NPC2: variants seen among roughly 807,000 people sequenced by gnomAD.
NPC2 encodes Niemann-Pick disease type C2 protein.
A neutral mutation model predicts 17.0 loss-of-function variants in NPC2; 14 were observed. That is an observed-to-expected ratio of 0.82 (90% CI 0.54 to 1.29). The LOEUF is 1.29. Among genes scored for constraint, NPC2 ranks in the 50% most tolerant of loss-of-function variants. The pLI is 0.00. For synonymous variants in NPC2, 75 were observed against 69.3 expected, an observed-to-expected ratio of 1.08 and a Z score of -0.41; for missense variants, 167 against 183.4, an observed-to-expected ratio of 0.91 and a Z score of 0.52.
chr14:74,483,575 G>A (rs911860562), intron 3 of NPC2: 10 of 1,326,212 alleles, frequency 7.5e-6, no homozygotes, highest in African/African-American at 1.5e-5. Flanking sequence ...ATTGGAAAGT[G>A]CCAGCATTCC....
In NPC2 at chr14:74,493,128, A is replaced by C; in HGVS notation, c.82+65T>G. 1 of 1,549,382 alleles carries C rather than the reference A, an allele frequency of 6.5e-7. No individual in the cohort carries two copies. Among genetic ancestry groups the C allele is most frequent in the South Asian group, 1.2e-5 (1 of 84,548 alleles). ...CGCCCAGCCCAGCCCCAGGGGTCTC[A>C]GCGCGGGGGTCCGGCGGGGCCTTCC... On this transcript the variant is annotated intron_variant, in intron 1 of 4. Transcript: ENST00000555619. This position sits in a 1 kb window ranked among gnomAD's most constrained non-coding sequence, Gnocchi z 4.1.
chr14:74,486,207 A>G, intron 2 of NPC2, 122 bp downstream of exon 2: 2 of 961,680 alleles, frequency 2.1e-6, no homozygotes, highest in Non-Finnish European at 3.3e-6. Context: ...CATGAGGTGC[A>G]AAAGAAATCA....
rs536369663 is a variant in NPC2 at position 74,487,629 on chromosome 14, G to T, written c.83-1193C>A. Among the ~76,000 whole-genome samples the T allele has an allele frequency of 4.6e-5, 7 of 152,312 alleles. No homozygotes were observed. The East Asian group carries it at 1.4e-3, about 29-fold the overall frequency. On this transcript the variant is annotated intron_variant, in intron 1 of 4. Transcript: ENST00000555619. ...ATGTAGAGCCTGAAACTCCGCGGAG[G>T]AAGATCAGAAATGAATTACAACATC... is the stretch of plus-strand genomic sequence containing the variant.
chr14:74,488,948 T>C (rs2086741790), intron 1 of NPC2, among the ~76,000 whole-genome samples: 1 of 152,202 alleles, frequency 6.6e-6, no homozygotes, highest in African/African-American at 2.4e-5. Flanking sequence ...TCTTCAATGA[T>C]TTAGTCCTGT....
At chr14:74,481,729 G>A (rs1231587519) in intron 3 of NPC2, among the ~76,000 whole-genome samples, 6 of 152,140 alleles carry the variant, frequency 3.9e-5, no homozygotes, top group Admixed American at 3.3e-4. Flanking sequence ...TTCAGTTAAC[G>A]CCCTTAAACT....
At chr14:74,485,095 G>T (rs1263790367) in intron 2 of NPC2, among the ~76,000 whole-genome samples, 1 of 151,896 alleles carries the variant, frequency 6.6e-6, no homozygotes, top group Non-Finnish European at 1.5e-5. Context: ...AGGAGTTTGA[G>T]ACCAGCCTGG....
At chr14:74,488,843 C>T (rs1483675257) in intron 1 of NPC2, among the ~76,000 whole-genome samples, 1 of 152,198 alleles carries the variant, frequency 6.6e-6, no homozygotes, top group Non-Finnish European at 1.5e-5. Context: ...AGAAAAACCA[C>T]CTACCATCTC....
In NPC2 at chr14:74,486,391, G is replaced by A; in HGVS notation, c.128C>T (p.Pro43Leu). The A allele has an allele frequency of 6.2e-7, 1 of 1,605,676 alleles. No homozygotes were observed. The highest frequency in any genetic ancestry group is 8.5e-7 in the Non-Finnish European group (1 of 1,176,046). The change falls in exon 2 of 5, where the codon CCC becomes CTC. Residue 43 changes from proline to leucine, a missense_variant. Pro to Leu is a moderately conservative substitution (Grantham distance 98). Transcript: ENST00000555619. ...TTTGCTCAGCTGGCAGGGTTGGGTG[G>A]GGCATGGGCTCACATTCACTTCCTT... ...VIKEVNVSPCPTQPCQLSKGQ... is the reference protein window; with the variant it reads ...VIKEVNVSPCLTQPCQLSKGQ...
intron 2 of NPC2, among the ~76,000 whole-genome samples, chr14:74,485,294 C>CAAAAAAAAAAAAAAAAAAAA (rs61395005): frequency 2.1e-4 from 15 of 71,332 alleles, no homozygotes; most frequent in African/African-American, 9.3e-4. Flanking sequence ...GACTCTGTCA[C>CAAAAAAAAAAAAAAAAAAAA]AAAAAAAAAA....
chr14:74,482,991 C>T (rs1196224554), intron 3 of NPC2: 1 of 774,052 alleles, frequency 1.3e-6, no homozygotes, highest in East Asian at 2.8e-5. Context: ...AGCTAGTGGT[C>T]CTTGGTTCAG....
intron 2 of NPC2, among the ~76,000 whole-genome samples, chr14:74,485,816 A>C (rs1364835112): frequency 6.6e-6 from 1 of 152,222 alleles, no homozygotes; most frequent in African/African-American, 2.4e-5. Flanking sequence ...TTGGAGAAGA[A>C]AGCTCAGATT....
intron 1 of NPC2, among the ~76,000 whole-genome samples, chr14:74,488,051 A>G (rs1267811969): frequency 6.6e-6 from 1 of 152,216 alleles, no homozygotes; most frequent in East Asian, 1.9e-4. Flanking sequence ...CATGTTGATG[A>G]ATGGAAGGAC....
intron 1 of NPC2, among the ~76,000 whole-genome samples, chr14:74,489,072 A>T (rs183090801): frequency 6.6e-6 from 1 of 152,356 alleles, no homozygotes; most frequent in African/African-American, 2.4e-5. Context: ...AATCAAGGGG[A>T]TGAAGAGGAG....
intron 2 of NPC2, among the ~76,000 whole-genome samples, chr14:74,484,944 T>C (rs1324153014): frequency 6.6e-6 from 1 of 152,054 alleles, no homozygotes; most frequent in Admixed American, 6.6e-5. Context: ...TCCAAGTATA[T>C]TGTGTGTCTT....
rs188258678 is a variant in NPC2 at position 74,492,235 on chromosome 14, C to T, written c.82+958G>A. ...TGAGTAACAATAAAACTCCGGCCTC[C>T]CCCACAGCCGGCTCTGCGTGAATTA... is the stretch of plus-strand genomic sequence containing the variant. On this transcript the variant is annotated intron_variant, in intron 1 of 4. Coordinates refer to ENST00000555619, the MANE Select transcript of NPC2 (RefSeq NM_006432.5). Among the ~76,000 whole-genome samples, 151 of 152,292 alleles carry T rather than the reference C, an allele frequency of 9.9e-4. 1 individual carries two copies. The highest frequency in any genetic ancestry group is 1.1e-3 in the Non-Finnish European group (75 of 68,030).
At position 74,493,183 on chromosome 14, in the gene NPC2, T is replaced by A; in HGVS notation, c.82+10A>T. 6.2e-7 allele frequency: 1 copy of A among 1,604,770 alleles called. No homozygotes were observed. On this transcript the variant is annotated intron_variant, in intron 1 of 4. Transcript: ENST00000555619. The surrounding 1 kb of genome is among the most constrained non-coding windows in gnomAD (Gnocchi z 4.1). ...AGGGCGCGGGAACCTTGGGCGGGCCTGGGGCTCACCGCAGTCCTTGAACTG... is the reference window on the plus strand; with the variant it reads ...AGGGCGCGGGAACCTTGGGCGGGCCAGGGGCTCACCGCAGTCCTTGAACTG...
rs80358266 is a variant in NPC2 at position 74,484,426 on chromosome 14, C to A, written c.352G>T (p.Glu118Ter). The A allele has an allele frequency of 5.0e-6, 8 of 1,613,972 alleles. No homozygotes were observed. Among genetic ancestry groups the A allele is most frequent in the South Asian group, 1.1e-5 (1 of 91,068 alleles). ...SYLNKLPVKS[E>*]YPSIKLVVEW... ...ATGGTATCACTTACAGAGGGATATT[C>A]GCTTTTCACTGGTAGTTTATTCAGG... The change falls in exon 3 of 5, where the codon GAA becomes TAA. Residue 118 changes from glutamate (E) to a stop codon, truncating the protein, a stop_gained. Coordinates refer to ENST00000555619, the MANE Select transcript of NPC2 (RefSeq NM_006432.5). LOFTEE classifies it high-confidence loss of function.
In NPC2 at chr14:74,493,121, G is replaced by A. The variant is rs377129868; in HGVS notation, c.82+72C>T. Reference sequence around the variant, plus strand: ...AGGGATCCGCCCAGCCCAGCCCCAGGGGTCTCAGCGCGGGGGTCCGGCGGG... The same window carrying A: ...AGGGATCCGCCCAGCCCAGCCCCAGAGGTCTCAGCGCGGGGGTCCGGCGGG... On this transcript the variant is annotated intron_variant, in intron 1 of 4. Coordinates refer to ENST00000555619, the MANE Select transcript of NPC2 (RefSeq NM_006432.5). The surrounding 1 kb of genome is among the most constrained non-coding windows in gnomAD (Gnocchi z 4.1). The A allele has an allele frequency of 1.0e-5, 16 of 1,534,680 alleles. No homozygotes were observed. The highest frequency in any genetic ancestry group is 1.3e-5 in the Non-Finnish European group (15 of 1,132,988).
chr14:74,480,600 C>T (rs1007149997), intron 4 of NPC2, 102 bp downstream of exon 4: 3 of 1,015,196 alleles, frequency 3.0e-6, no homozygotes, highest in African/African-American at 3.1e-5. Context: ...AAACAGCAGT[C>T]TTGAAATTCC....
Sources: gnomAD v4.1 joint callset for allele counts (sites outside exome capture counted in the v4.1 genomes callset) on GRCh38, gnomAD v4.1.1 for gene constraint, Gnocchi (gnomAD v3.1) non-coding constraint, MANE v1.5 for transcripts, NCBI Gene and HGNC (gene_info 2026-07-23, HGNC 2026-07-21) for gene names.